TMEM132B: variants seen among roughly 807,000 people sequenced by gnomAD.
The protein encoded by TMEM132B is transmembrane protein 132B.
In TMEM132B, 18 loss-of-function variants were observed where a neutral mutation model predicts 90.8. The ratio of observed to expected loss-of-function variants is 0.20; its 90% CI spans 0.14 to 0.29. TMEM132B has a LOEUF of 0.29. Ranked by LOEUF, TMEM132B falls within the 10% of genes least tolerant of loss-of-function variation. The pLI, the probability that TMEM132B is intolerant of heterozygous loss-of-function variation, is 1.00. For missense variants in TMEM132B, 1,096 were observed against 1,326.8 expected, an observed-to-expected ratio of 0.83 and a Z score of 2.70; for synonymous variants, 504 against 523.3, an observed-to-expected ratio of 0.96 and a Z score of 0.50.
At position 125,364,964 on chromosome 12, in the gene TMEM132B, A is replaced by G. The variant is rs150185533; in HGVS notation, c.959+14621A>G. On this transcript the variant is annotated intron_variant, in intron 2 of 8. Transcript: ENST00000682704. ...TTTTTTATCTGTTTTGATAATCTGT[A>G]TTTTAATTAGTATGCTTATTTCATT... 1.8e-3 allele frequency among the ~76,000 whole-genome samples: 273 copies of G among 152,046 alleles called. 1 individual carries two copies. Among genetic ancestry groups the G allele is most frequent in the African/African-American group, 6.0e-3 (249 of 41,530 alleles).
At chr12:125,605,174 G>A (rs1171483565) in intron 5 of TMEM132B, among the ~76,000 whole-genome samples, 1 of 152,126 alleles carries the variant, frequency 6.6e-6, no homozygotes, top group Non-Finnish European at 1.5e-5. Flanking sequence ...ACACCTTCTG[G>A]GCAGTCTTCC....
chr12:125,639,730 G>A (rs889728224), intron 5 of TMEM132B, among the ~76,000 whole-genome samples: 2 of 152,210 alleles, frequency 1.3e-5, no homozygotes, highest in African/African-American at 4.8e-5. Flanking sequence ...GTACACAGTA[G>A]CACACACAGC....
At position 125,315,339 on chromosome 12, in the gene TMEM132B, C is replaced by T. The variant is rs1876237056; in HGVS notation, c.68-34113C>T. Reference sequence around the variant, plus strand: ...TCAGCCTCCCAAGTAGCTGGGATTACAGGCGCCCACCACCACGTCTGGCTG... The same window carrying T: ...TCAGCCTCCCAAGTAGCTGGGATTATAGGCGCCCACCACCACGTCTGGCTG... On this transcript the variant is annotated intron_variant, in intron 1 of 8. Transcript: ENST00000682704. Among the ~76,000 whole-genome samples, 5 of 152,176 alleles carry T rather than the reference C, an allele frequency of 3.3e-5. No individual in the cohort carries two copies. The South Asian group carries it at 1.0e-3, about 32-fold the overall frequency.
chr12:125,240,712 C>T (rs772467016), intron 1 of TMEM132B, among the ~76,000 whole-genome samples: 5 of 152,192 alleles, frequency 3.3e-5, no homozygotes, highest in Middle Eastern at 3.2e-3. Context: ...ATCTCTCTTC[C>T]GGACTGCATC....
chr12:125,565,299 A>C (rs1410805087), intron 4 of TMEM132B, among the ~76,000 whole-genome samples: 3 of 152,190 alleles, frequency 2.0e-5, no homozygotes, highest in Admixed American at 2.0e-4. Flanking sequence ...TGCATGCTCA[A>C]ACCCTGTGTG....
intron 2 of TMEM132B, among the ~76,000 whole-genome samples, chr12:125,367,528 T>C (rs1878171210): frequency 6.6e-6 from 1 of 152,204 alleles, no homozygotes; most frequent in African/African-American, 2.4e-5. Flanking sequence ...CATCTCTCTT[T>C]AGCTGCCATC....
intron 5 of TMEM132B, chr12:125,588,176 T>G (rs1051368416): frequency 1.3e-5 from 2 of 152,216 alleles, no homozygotes; most frequent in African/African-American, 4.8e-5. Context: ...TGACTCCACC[T>G]TCCTCACCGT....
intron 3 of TMEM132B, among the ~76,000 whole-genome samples, chr12:125,437,676 G>T (rs553205467): frequency 6.6e-6 from 1 of 152,264 alleles, no homozygotes; most frequent in African/African-American, 2.4e-5. Flanking sequence ...CTACAACATG[G>T]AAGAACCTTG....
At chr12:125,604,622 T>A (rs899510272) in intron 5 of TMEM132B, among the ~76,000 whole-genome samples, 1 of 152,136 alleles carries the variant, frequency 6.6e-6, no homozygotes, top group African/African-American at 2.4e-5. Context: ...ATAAAAAAAA[T>A]AAATAAATTG....
At chr12:125,470,822 A>G (rs535788654) in intron 3 of TMEM132B, among the ~76,000 whole-genome samples, 1 of 152,278 alleles carries the variant, frequency 6.6e-6, no homozygotes, top group Non-Finnish European at 1.5e-5. Context: ...GACACTTTCT[A>G]AGTGAACATT....
chr12:125,223,823 A>G (rs1024452984), intron 1 of TMEM132B, among the ~76,000 whole-genome samples: 1 of 151,744 alleles, frequency 6.6e-6, no homozygotes, highest in Admixed American at 6.6e-5. Flanking sequence ...GTCTTACTCT[A>G]TTGCCTAGGG....
At chr12:125,599,703 C>T (rs941429637) in intron 5 of TMEM132B, among the ~76,000 whole-genome samples, 45 of 152,030 alleles carry the variant, frequency 3.0e-4, no homozygotes, top group Admixed American at 7.2e-4. Context: ...GTTAAAGGTT[C>T]GAATGTGTTC....
chr12:125,330,433 A>T (rs1346125405), intron 1 of TMEM132B, among the ~76,000 whole-genome samples: 2 of 151,576 alleles, frequency 1.3e-5, no homozygotes, highest in East Asian at 3.9e-4. Context: ...TCAAGAAAAA[A>T]GTTAAGTACT....
chr12:125,194,271 T>G (rs6488991), intron 1 of TMEM132B, among the ~76,000 whole-genome samples: 112,950 of 148,384 alleles, frequency 0.76, 42,798 homozygotes, highest in African/African-American at 0.82. Flanking sequence ...AACCCGTTGG[T>G]GGGGGGGTCT....
intron 1 of TMEM132B, among the ~76,000 whole-genome samples, chr12:125,331,142 A>G (rs1490351345): frequency 6.6e-6 from 1 of 152,094 alleles, no homozygotes; most frequent in Non-Finnish European, 1.5e-5. Context: ...AGGGAGCCGG[A>G]CTGGGAGCGG....
intron 6 of TMEM132B, among the ~76,000 whole-genome samples, chr12:125,650,024 A>G (rs1886865634): frequency 6.6e-6 from 1 of 152,076 alleles, no homozygotes; most frequent in South Asian, 2.1e-4. Flanking sequence ...GTGGAAGGAG[A>G]GGATCCTTTG....
intron 5 of TMEM132B, among the ~76,000 whole-genome samples, chr12:125,640,877 G>A (rs1221884279): frequency 2.6e-5 from 4 of 152,030 alleles, no homozygotes; most frequent in Non-Finnish European, 2.9e-5. Flanking sequence ...GTTATAAAAT[G>A]CCTATGAACA....
At chr12:125,376,705 C>G (rs563282164) in intron 2 of TMEM132B, among the ~76,000 whole-genome samples, 23 of 152,300 alleles carry the variant, frequency 1.5e-4, no homozygotes, top group Admixed American at 1.1e-3. Flanking sequence ...AGCAAGTTCC[C>G]CCTTCCCCTT....
At chr12:125,563,459 T>C (rs1884587537) in intron 4 of TMEM132B, among the ~76,000 whole-genome samples, 1 of 151,702 alleles carries the variant, frequency 6.6e-6, no homozygotes, top group South Asian at 2.1e-4. Flanking sequence ...ATACAAAAAT[T>C]AACTGCTGAG....
Sources: gnomAD v4.1 joint callset for allele counts (sites outside exome capture counted in the v4.1 genomes callset) on GRCh38, gnomAD v4.1.1 for gene constraint, MANE v1.5 for transcripts, NCBI Gene and HGNC (gene_info 2026-07-23, HGNC 2026-07-21) for gene names.